Variants in CIMIP4 observed in about 807,000 individuals in gnomAD.
CIMIP4 encodes ciliary microtubule inner protein 4, also known as protein EAN57.
chr22:37,005,484 C>A, the CIMIP4 span, among the ~76,000 whole-genome samples: 1 of 151,512 alleles, frequency 6.6e-6, no homozygotes, highest in African/African-American at 2.4e-5. Flanking sequence ...GAACTTGGAA[C>A]CAAGCGGTGG....
the CIMIP4 span, among the ~76,000 whole-genome samples, chr22:36,995,894 T>C: frequency 1.8e-4 from 28 of 152,320 alleles, no homozygotes; most frequent in African/African-American, 6.3e-4. Context: ...GACTATATTA[T>C]ATTTAATGAT....
the CIMIP4 span, among the ~76,000 whole-genome samples, chr22:36,997,508 C>T: frequency 6.6e-6 from 1 of 152,230 alleles, no homozygotes; most frequent in Non-Finnish European, 1.5e-5. Context: ...TCACCATTAC[C>T]TCCCTGAGCT....
chr22:36,997,516 G>A, the CIMIP4 span, among the ~76,000 whole-genome samples: 1 of 152,314 alleles, frequency 6.6e-6, no homozygotes, highest in South Asian at 2.1e-4. Flanking sequence ...ACCTCCCTGA[G>A]CTGCTATATT....
At chr22:36,997,020 C>A in the CIMIP4 span, among the ~76,000 whole-genome samples, 1 of 152,150 alleles carries the variant, frequency 6.6e-6, no homozygotes, top group African/African-American at 2.4e-5. Context: ...TGTTGTTGTT[C>A]CATTATTTTG....
At chr22:37,007,116 G>A in the CIMIP4 span, among the ~76,000 whole-genome samples, 1 of 152,096 alleles carries the variant, frequency 6.6e-6, no homozygotes, top group Non-Finnish European at 1.5e-5. Context: ...GAGACCCTGG[G>A]ACAGAAAAAT....
chr22:37,004,848 T>C, the CIMIP4 span, among the ~76,000 whole-genome samples: 1 of 151,994 alleles, frequency 6.6e-6, no homozygotes, highest in Non-Finnish European at 1.5e-5. Context: ...CCACCACATC[T>C]GGCTAATTTT....
chr22:37,000,009 G>C, the CIMIP4 span: 5 of 1,598,322 alleles, frequency 3.1e-6, no homozygotes, highest in Non-Finnish European at 4.3e-6. Context: ...AGGGATGACA[G>C]ACAGGGGATG....
chr22:36,991,401 T>C, the CIMIP4 span: 1 of 1,570,032 alleles, frequency 6.4e-7, no homozygotes, highest in Non-Finnish European at 8.8e-7. Flanking sequence ...TGCTCTGGTT[T>C]CTCTCTGACC....
At chr22:37,003,045 G>A in the CIMIP4 span, among the ~76,000 whole-genome samples, 2 of 152,330 alleles carry the variant, frequency 1.3e-5, no homozygotes, top group South Asian at 4.1e-4. Context: ...CTGTAAATAT[G>A]TTTGGTGGTC....
the CIMIP4 span, among the ~76,000 whole-genome samples, chr22:36,997,817 C>T: frequency 6.6e-6 from 1 of 152,200 alleles, no homozygotes. Flanking sequence ...TCTTCTGCCT[C>T]ACTCCTGTGC....
the CIMIP4 span, chr22:36,991,291 A>G: frequency 6.2e-7 from 1 of 1,613,816 alleles, no homozygotes; most frequent in East Asian, 2.2e-5. Flanking sequence ...AGCGAGCAGG[A>G]GAAGAGCCAG....
the CIMIP4 span, among the ~76,000 whole-genome samples, chr22:36,994,756 G>A: frequency 6.7e-6 from 1 of 150,138 alleles, no homozygotes; most frequent in South Asian, 2.1e-4. Flanking sequence ...TCAGCCTCCC[G>A]AGTAGCTGGG....
the CIMIP4 span, among the ~76,000 whole-genome samples, chr22:36,998,740 G>A: frequency 6.6e-6 from 1 of 152,044 alleles, no homozygotes; most frequent in Non-Finnish European, 1.5e-5. Context: ...AACCAAACAG[G>A]ACTACACTGA....
the CIMIP4 span, among the ~76,000 whole-genome samples, chr22:36,997,530 C>T: frequency 2.0e-5 from 3 of 152,254 alleles, no homozygotes; most frequent in Non-Finnish European, 4.4e-5. Context: ...CTATATTGCA[C>T]AATGGTGCCT....
chr22:37,002,024 G>C, the CIMIP4 span: 1 of 1,612,312 alleles, frequency 6.2e-7, no homozygotes, highest in South Asian at 1.1e-5. Flanking sequence ...CTCTCTCGAG[G>C]AGGATCGAGA....
At chr22:37,003,711 C>T in the CIMIP4 span, among the ~76,000 whole-genome samples, 2 of 152,214 alleles carry the variant, frequency 1.3e-5, no homozygotes, top group Non-Finnish European at 2.9e-5. Context: ...ACCTGAGTCA[C>T]CCCCTCAGGA....
chr22:37,001,587 C>T, the CIMIP4 span, among the ~76,000 whole-genome samples: 8 of 152,132 alleles, frequency 5.3e-5, no homozygotes, highest in Non-Finnish European at 7.4e-5. Context: ...TGACTTAACT[C>T]CTCTAAGCCT....
At chr22:37,002,347 G>A in the CIMIP4 span, 7 of 933,336 alleles carry the variant, frequency 7.5e-6, no homozygotes, top group East Asian at 1.5e-4. Flanking sequence ...AGAGAGACAC[G>A]CAGACAAGGG....
At chr22:36,991,267 T>C in the CIMIP4 span, 1 of 1,614,046 alleles carries the variant, frequency 6.2e-7, no homozygotes, top group East Asian at 2.2e-5. Flanking sequence ...ATTTTTCTGG[T>C]GCCACCGCCC....
Sources: gnomAD v4.1 joint callset for allele counts (sites outside exome capture counted in the v4.1 genomes callset) on GRCh38, gnomAD v4.1.1 for gene constraint, MANE v1.5 for transcripts, NCBI Gene and HGNC (gene_info 2026-07-23, HGNC 2026-07-21) for gene names.